PIP4K2B: variants seen among roughly 807,000 people sequenced by gnomAD.
PIP4K2B encodes the protein phosphatidylinositol-5-phosphate 4-kinase type 2 beta, also known as phosphatidylinositol 5-phosphate 4-kinase type-2 beta.
In PIP4K2B, 3 loss-of-function variants were observed where a neutral mutation model predicts 42.0. The ratio of observed to expected loss-of-function variants is 0.07; its 90% CI spans 0.03 to 0.18. PIP4K2B has a LOEUF of 0.18. Ranked by LOEUF, PIP4K2B falls within the 10% of genes least tolerant of loss-of-function variation. The probability of loss-of-function intolerance (pLI) is 1.00; values close to 1 mark genes in which losing one functional copy is unlikely to be tolerated. For missense variants in PIP4K2B, 332 were observed against 562.3 expected (o/e 0.59, Z 4.14); for synonymous variants, 204 against 210.1 (o/e 0.97, Z 0.25).
chr17:38,779,277 C>G (rs536743496), intron 5 of PIP4K2B, 106 bp downstream of exon 5: 6 of 1,173,890 alleles, frequency 5.1e-6, no homozygotes, highest in Non-Finnish European at 7.4e-6. Flanking sequence ...CTGTCCATGC[C>G]AACACATAGG....
intron 2 of PIP4K2B, 66 bp from the exon 3 acceptor site, chr17:38,784,405 T>A (rs1466714368): frequency 4.8e-5 from 42 of 875,492 alleles, no homozygotes; most frequent in Non-Finnish European, 5.4e-6. Flanking sequence ...ATTATTATTA[T>A]TATTTTTTGT....
chr17:38,791,838 C>T (rs1910358286), intron 1 of PIP4K2B, among the ~76,000 whole-genome samples: 1 of 151,220 alleles, frequency 6.6e-6, no homozygotes, highest in Non-Finnish European at 1.5e-5. Flanking sequence ...GCCTGTAATT[C>T]CAGCACTTTG....
At position 38,769,604 on chromosome 17, in the gene PIP4K2B, C is replaced by T; in HGVS notation, c.*87G>A. Reference sequence around the variant, plus strand: ...AAACCCGACTCTGCTCCCACCCTCCCATCTAGCCCAAATACACCCTTCTCC... The same window carrying T: ...AAACCCGACTCTGCTCCCACCCTCCTATCTAGCCCAAATACACCCTTCTCC... On this transcript the variant is annotated 3_prime_UTR_variant, in exon 10 of 10. Transcript: ENST00000619039. The T allele has an allele frequency of 1.2e-6, 1 of 825,830 alleles. No individual in the cohort carries two copies. The highest frequency in any genetic ancestry group is 1.3e-5 in the South Asian group (1 of 75,028). The allele number at this position is 825,830 out of a possible 1,614,324, so 51.2% of individuals were successfully genotyped here. A position where few individuals can be genotyped will look rare whatever the true frequency, so the allele number is the denominator to read the frequency against.
In PIP4K2B at chr17:38,783,195, C is replaced by CAAAAAAA. The variant is rs35913511; in HGVS notation, c.354+1041_354+1047dup. ...GGATGACAGGAGTGAAACTCCATCT[C>CAAAAAAA]AAAAAAAAAAAAAAAAAAAAAAAGT... is the stretch of plus-strand genomic sequence containing the variant. On this transcript the variant is annotated intron_variant, in intron 3 of 9. Transcript: ENST00000619039. 8.9e-5 allele frequency among the ~76,000 whole-genome samples: 5 copies of CAAAAAAA among 55,890 alleles called. No individual in the cohort carries two copies. The Admixed American group carries it at 1.1e-3, about 12-fold the overall frequency. 36.7% of individuals were successfully genotyped at this position (55,890 alleles called of 152,430 possible).
intron 3 of PIP4K2B, among the ~76,000 whole-genome samples, chr17:38,781,360 C>T (rs1332610631): frequency 4.6e-5 from 7 of 152,030 alleles, no homozygotes; most frequent in Non-Finnish European, 1.0e-4. Flanking sequence ...CGTGAGTCAA[C>T]CAAAGGGATA....
At chr17:38,794,193 T>C (rs1014300026) in intron 1 of PIP4K2B, among the ~76,000 whole-genome samples, 7 of 152,174 alleles carry the variant, frequency 4.6e-5, no homozygotes, top group Admixed American at 3.3e-4. Flanking sequence ...TGGATGAACC[T>C]TGAGCACCTT....
At chr17:38,783,086 T>C (rs1342059041) in intron 3 of PIP4K2B, among the ~76,000 whole-genome samples, 1 of 143,502 alleles carries the variant, frequency 7.0e-6, no homozygotes, top group African/African-American at 2.6e-5. Flanking sequence ...TCCCAGCTAC[T>C]CGGGAGGCTG....
At chr17:38,782,660 C>T (rs1317598133) in intron 3 of PIP4K2B, among the ~76,000 whole-genome samples, 2 of 152,202 alleles carry the variant, frequency 1.3e-5, no homozygotes, top group Admixed American at 6.5e-5. Context: ...AACCCTCACC[C>T]TCTTCTTCGA....
At chr17:38,786,699 A>T in intron 2 of PIP4K2B, 124 bp downstream of exon 2, 1 of 724,770 alleles carries the variant, frequency 1.4e-6, no homozygotes, top group South Asian at 1.6e-5. Context: ...TCTGAGATCC[A>T]GGTGCTGCTG....
At chr17:38,783,542 T>G (rs547695048) in intron 3 of PIP4K2B, among the ~76,000 whole-genome samples, 4 of 152,040 alleles carry the variant, frequency 2.6e-5, no homozygotes, top group Non-Finnish European at 5.9e-5. Flanking sequence ...GAAGTCTTCC[T>G]TTTCTAATCT....
intron 7 of PIP4K2B, among the ~76,000 whole-genome samples, chr17:38,775,232 C>T (rs1302987728): frequency 1.3e-5 from 2 of 152,146 alleles, no homozygotes; most frequent in East Asian, 1.9e-4. Flanking sequence ...GGATTACAAG[C>T]GTGAGCCACC....
chr17:38,783,739 T>C (rs1192912658), intron 3 of PIP4K2B, among the ~76,000 whole-genome samples: 1 of 152,136 alleles, frequency 6.6e-6, no homozygotes, highest in East Asian at 1.9e-4. Flanking sequence ...TAGGTGGGAC[T>C]ATAGGCGCAC....
chr17:38,778,200 C>T, intron 6 of PIP4K2B, 134 bp downstream of exon 6: 2 of 824,522 alleles, frequency 2.4e-6, no homozygotes, highest in Non-Finnish European at 4.2e-6. Context: ...ATTCATGACA[C>T]ACGGCATTTC....
At chr17:38,779,598 C>T (rs1909583128) in intron 4 of PIP4K2B, 69 bp from the exon 5 acceptor site, 2 of 1,455,664 alleles carry the variant, frequency 1.4e-6, no homozygotes, top group Non-Finnish European at 1.9e-6. Flanking sequence ...GGGCTCACCC[C>T]AGACTAAAAT....
At chr17:38,777,368 C>T (rs769387176) in intron 7 of PIP4K2B, among the ~76,000 whole-genome samples, 1 of 152,192 alleles carries the variant, frequency 6.6e-6, no homozygotes, top group Non-Finnish European at 1.5e-5. Flanking sequence ...GTTCCTACAG[C>T]TCTGATGGCC....
At chr17:38,771,451 A>G (rs964223260) in intron 7 of PIP4K2B, among the ~76,000 whole-genome samples, 179 bp from the exon 8 acceptor site, 4 of 150,930 alleles carry the variant, frequency 2.7e-5, no homozygotes, top group African/African-American at 9.8e-5. Context: ...AATGGGGAAG[A>G]CAGTCATTCA....
Position 38,777,672 on chromosome 17 carries a change from A to G in PIP4K2B, c.807+15T>C. The stretch of plus-strand genomic sequence containing the variant: ...AGAAGGAGCCTTGCAGGTGAAAATG[A>G]AGGTTAGTAAGTACCTCAACGTCCC... On this transcript the variant is annotated intron_variant, in intron 7 of 9. Transcript: ENST00000619039. 6.5e-7 allele frequency: 1 copy of G among 1,538,514 alleles called. No homozygotes were observed. Among genetic ancestry groups the G allele is most frequent in the Non-Finnish European group, 9.0e-7 (1 of 1,111,026 alleles).
At chr17:38,769,896 C>G in intron 9 of PIP4K2B, 125 bp from the exon 10 acceptor site, 1 of 809,426 alleles carries the variant, frequency 1.2e-6, no homozygotes, top group Non-Finnish European at 2.1e-6. Flanking sequence ...CACCCCCAAC[C>G]CCACCAAGAC....
At chr17:38,779,144 C>A (rs1909538465) in intron 5 of PIP4K2B, among the ~76,000 whole-genome samples, 1 of 152,220 alleles carries the variant, frequency 6.6e-6, no homozygotes, top group Admixed American at 6.5e-5. Flanking sequence ...ATTCCACAGA[C>A]AGGAACATCA....
Sources: allele counts gnomAD v4.1 joint callset (sites outside exome capture counted in the v4.1 genomes callset), GRCh38; gene constraint gnomAD v4.1.1; transcripts MANE v1.5; gene names NCBI Gene and HGNC (gene_info 2026-07-23, HGNC 2026-07-21).